Variants in PPRC1 observed in about 807,000 individuals in gnomAD.
PPRC1 encodes the protein peroxisome proliferator-activated receptor gamma coactivator-related protein 1.
A neutral mutation model predicts 132.5 loss-of-function variants in PPRC1; 23 were observed. The observed-to-expected ratio is 0.17, with a 90% CI of 0.12 to 0.25. The LOEUF is 0.25. Ranked by LOEUF, PPRC1 falls within the 10% of genes least tolerant of loss-of-function variation. The pLI is 1.00. For synonymous variants in PPRC1, 872 were observed against 833.5 expected (o/e 1.05, Z -0.80); for missense variants, 2,006 against 2,089.1 (o/e 0.96, Z 0.78).
At chr10:102,135,261 G>A (rs1395942563) in intron 1 of PPRC1, among the ~76,000 whole-genome samples, 1 of 152,198 alleles carries the variant, frequency 6.6e-6, no homozygotes, top group East Asian at 1.9e-4. Context: ...GAGGAAGAGA[G>A]CATGGCTTAT....
upstream of PPRC1, among the ~76,000 whole-genome samples, chr10:102,131,323 G>A (rs138983889): frequency 3.1e-3 from 478 of 151,790 alleles, 1 homozygote; most frequent in Middle Eastern, 3.4e-3. Context: ...GATCTGCCAC[G>A]GCACTCTTGC....
chr10:102,146,043 AGAAAC>A (rs1420839020), intron 8 of PPRC1, among the ~76,000 whole-genome samples: 1 of 152,222 alleles, frequency 6.6e-6, no homozygotes, highest in Non-Finnish European at 1.5e-5. Flanking sequence ...AATGAACTGA[AGAAAC>A]AAAACCAACT....
Position 102,149,006 on chromosome 10 carries a change from T to C in PPRC1, c.4739+68T>C, listed in dbSNP as rs2133732747. 3.8e-6 allele frequency: 6 copies of C among 1,589,732 alleles called. No individual in the cohort carries two copies. The South Asian group carries it at 5.7e-5, about 15-fold the overall frequency. ...TCATCTACCTTGGTGTTTCTTTGTC[T>C]TGCCTCCTTGCTCTGGTGTGCTGAG... On this transcript the variant is annotated intron_variant, in intron 12 of 13. Coordinates refer to ENST00000278070, the MANE Select transcript of PPRC1 (RefSeq NM_015062.5).
At chr10:102,120,942 C>T in the PPRC1 span, among the ~76,000 whole-genome samples, 1 of 152,202 alleles carries the variant, frequency 6.6e-6, no homozygotes, top group Non-Finnish European at 1.5e-5. Context: ...CTGGAGGCCC[C>T]TTGTTTCGCG....
At chr10:102,135,138 G>A (rs2068674816) in intron 1 of PPRC1, among the ~76,000 whole-genome samples, 1 of 152,214 alleles carries the variant, frequency 6.6e-6, no homozygotes, top group Admixed American at 6.5e-5. Context: ...GGATATTTGG[G>A]ATTATGTAAT....
intron 1 of PPRC1, among the ~76,000 whole-genome samples, chr10:102,135,372 A>T (rs2068684953): frequency 2.7e-5 from 4 of 149,712 alleles, no homozygotes; most frequent in South Asian, 2.1e-4. Context: ...ATATATATAT[A>T]TTTTGTTGTT....
chr10:102,139,560 A>C lies in PPRC1; in HGVS notation c.1052A>C (p.Gln351Pro). 6.2e-7 allele frequency: 1 copy of C among 1,613,914 alleles called. No homozygotes were observed. The highest frequency in any genetic ancestry group is 8.5e-7 in the Non-Finnish European group (1 of 1,179,926). ...TGCGTAGTGCTGGAGATTGTGGGGC[A>C]GGCAGCCACAGCTGGCGATGACCTG... Reference protein sequence around the residue: ...EGCVVLEIVGQAATAGDDLEI... With the variant: ...EGCVVLEIVGPAATAGDDLEI... The change falls in exon 5 of 14, where the codon CAG becomes CCG. Residue 351 changes from glutamine to proline, a missense_variant. Transcript: ENST00000278070.
chr10:102,146,712 G>A lies in PPRC1; in HGVS notation c.3720G>A (p.Lys1240=), dbSNP rs2069260502. The change falls in exon 9 of 14, where the codon AAG becomes AAA. Residue 1240 remains lysine, a synonymous_variant. Coordinates refer to ENST00000278070, the MANE Select transcript of PPRC1 (RefSeq NM_015062.5). ...CTACCCCTCCCCACCAGTTATGGAA[G>A]CCCCTGGCTGCTGTCTCACTGCTGG... ...PPATPPHQLW[K]PLAAVSLLAK... is the part of the protein sequence containing the mutation. The A allele has an allele frequency of 6.2e-7, 1 of 1,613,294 alleles. No homozygotes were observed. Among genetic ancestry groups the A allele is most frequent in the Non-Finnish European group, 8.5e-7 (1 of 1,179,636 alleles).
At chr10:102,124,680 TCACC>T in the PPRC1 span, among the ~76,000 whole-genome samples, 12 of 150,462 alleles carry the variant, frequency 8.0e-5, no homozygotes, top group Admixed American at 8.0e-4. Flanking sequence ...TCTTGCTCTG[TCACC>T]CAGGCTGGAG....
At position 102,140,947 on chromosome 10, in the gene PPRC1, A is replaced by C. The variant is rs201355794; in HGVS notation, c.2439A>C (p.Thr813=). 173 of 1,613,450 alleles carry C rather than the reference A, an allele frequency of 1.1e-4. No homozygotes were observed. The highest frequency in any genetic ancestry group is 1.7e-4 in the Middle Eastern group (1 of 6,060). ...CAGCTCTGCAGAGAAGCCCTGAAAC[A>C]CCCCTTGAGATTTGCCTTGTGCCTG... ...KKTALQRSPE[T]PLEICLVPVG... is the part of the protein sequence containing the mutation. Residue 813 remains threonine (T), a synonymous_variant, in exon 5 of 14, where the codon ACA becomes ACC. Coordinates refer to ENST00000278070, the MANE Select transcript of PPRC1 (RefSeq NM_015062.5).
Position 102,139,871 on chromosome 10 carries a change from A to G in PPRC1, c.1363A>G (p.Arg455Gly), listed in dbSNP as rs1220362378. 1.2e-6 allele frequency: 2 copies of G among 1,614,222 alleles called. No individual in the cohort carries two copies. Among genetic ancestry groups the G allele is most frequent in the South Asian group, 2.2e-5 (2 of 91,088 alleles). The part of the protein sequence containing the change: ...PPANAAPGSQ[R>G]ARKGRKKKSK... ...TGCCAATGCAGCACCAGGTTCCCAG[A>G]GAGCTCGAAAGGGCAGGAAGAAGAA... The change falls in exon 5 of 14, where the codon AGA becomes GGA. Residue 455 changes from arginine to glycine, a missense_variant. Transcript: ENST00000278070.
chr10:102,147,536 T>A, intron 9 of PPRC1, 144 bp downstream of exon 9: 1 of 1,187,782 alleles, frequency 8.4e-7, no homozygotes, highest in Non-Finnish European at 1.1e-6. Context: ...GTGTTTTCCC[T>A]TTTCCTGGAT....
Position 102,140,723 on chromosome 10 carries a change from A to G in PPRC1, c.2215A>G (p.Thr739Ala). 6.2e-7 allele frequency: 1 copy of G among 1,614,036 alleles called. No individual in the cohort carries two copies. The highest frequency in any genetic ancestry group is 8.5e-7 in the Non-Finnish European group (1 of 1,180,000). ...GGATTCTCTGAAAATTGAAAGTGGTACCAGTGCTACAACCCATGAAGCCAG... is the reference window on the plus strand; with the variant it reads ...GGATTCTCTGAAAATTGAAAGTGGTGCCAGTGCTACAACCCATGAAGCCAG... ...VVDSLKIESG[T>A]SATTHEARPR... Residue 739 changes from threonine (T) to alanine (A), a missense_variant, in exon 5 of 14, where the codon ACC becomes GCC. Transcript: ENST00000278070.
upstream of PPRC1, chr10:102,132,928 G>C: frequency 8.5e-7 from 1 of 1,174,240 alleles, no homozygotes; most frequent in African/African-American, 1.6e-5. Flanking sequence ...CCTTCTTCCA[G>C]GGTGCAAGTG....
chr10:102,134,394 T>C (rs1323983020), intron 1 of PPRC1, among the ~76,000 whole-genome samples: 3 of 152,184 alleles, frequency 2.0e-5, no homozygotes, highest in Non-Finnish European at 4.4e-5. Flanking sequence ...ATTTTTTTCT[T>C]GGCCTTCAAA....
chr10:102,127,774 ACTC>A, the PPRC1 span, among the ~76,000 whole-genome samples: 5 of 148,356 alleles, frequency 3.4e-5, no homozygotes, highest in African/African-American at 1.2e-4. Context: ...CTGGTCATGA[ACTC>A]CTGAGCTCAG....
At chr10:102,122,014 G>C in the PPRC1 span, among the ~76,000 whole-genome samples, 1 of 152,106 alleles carries the variant, frequency 6.6e-6, no homozygotes, top group Admixed American at 6.5e-5. Context: ...TAGGAATGGA[G>C]ACCCTCCCCA....
chr10:102,138,719 G>A lies in PPRC1; in HGVS notation c.443G>A (p.Ser148Asn), dbSNP rs749339735. The A allele has an allele frequency of 6.8e-6, 11 of 1,614,110 alleles. No individual in the cohort carries two copies. The highest frequency in any genetic ancestry group is 9.3e-6 in the Non-Finnish European group (11 of 1,180,038). ...TCTGAGAACCTTTCTCCATTTGACAGCATTCCTGATTCGGAGCTGCTTGTG... is the reference window on the plus strand; with the variant it reads ...TCTGAGAACCTTTCTCCATTTGACAACATTCCTGATTCGGAGCTGCTTGTG... ...ADSENLSPFD[S>N]IPDSELLVSP... The change falls in exon 3 of 14, where the codon AGC (serine) becomes AAC (asparagine). Residue 148 changes from serine (S) to asparagine (N), a missense_variant. Transcript: ENST00000278070.
At chr10:102,130,852 A>T (rs1203051093), upstream of PPRC1, among the ~76,000 whole-genome samples, 3 of 152,150 alleles carry the variant, frequency 2.0e-5, no homozygotes, top group Admixed American at 2.0e-4. Context: ...TAAGAGTTGG[A>T]GAACAGCCTG....
Sources: gnomAD v4.1 joint callset for allele counts (sites outside exome capture counted in the v4.1 genomes callset) on GRCh38, gnomAD v4.1.1 for gene constraint, MANE v1.5 for transcripts, NCBI Gene and HGNC (gene_info 2026-07-23, HGNC 2026-07-21) for gene names.